Variants in ARHGEF16 observed in about 807,000 individuals in gnomAD.
ARHGEF16 encodes the protein Rho guanine nucleotide exchange factor 16, also known as Rho guanine exchange factor (GEF) 16.
ARHGEF16 carries 59 observed loss-of-function variants against 74.1 expected under a neutral mutation model. The observed-to-expected ratio is 0.80, with a 90% CI of 0.65 to 0.99. ARHGEF16 has a LOEUF of 0.99. Among genes scored for constraint, ARHGEF16 ranks in the 50% least tolerant of loss-of-function variants. The pLI, the probability that ARHGEF16 is intolerant of heterozygous loss-of-function variation, is 0.00. For synonymous variants in ARHGEF16, 415 were observed against 412.6 expected (o/e 1.01, Z -0.07); for missense variants, 948 against 986.6 (o/e 0.96, Z 0.52).
intron 2 of ARHGEF16, among the ~76,000 whole-genome samples, chr1:3,463,919 C>T (rs886711080): frequency 2.0e-5 from 3 of 152,244 alleles, no homozygotes; most frequent in African/African-American, 7.2e-5. Context: ...ACTCTGGTGT[C>T]CCCGCTCCCA....
At chr1:3,455,769 T>A (rs1305291623) in intron 1 of ARHGEF16, among the ~76,000 whole-genome samples, 1 of 152,134 alleles carries the variant, frequency 6.6e-6, no homozygotes, top group Non-Finnish European at 1.5e-5. Flanking sequence ...TTCCCAGGTG[T>A]GTGGGTTTCA....
chr1:3,476,255 G>T (rs1375261036), intron 10 of ARHGEF16, among the ~76,000 whole-genome samples, 193 bp downstream of exon 10: 1 of 152,236 alleles, frequency 6.6e-6, no homozygotes, highest in Admixed American at 6.5e-5. Context: ...ATCTGGGAGC[G>T]CCCCTTGTGG....
At chr1:3,471,871 G>A (rs767930748) in intron 6 of ARHGEF16, 114 of 1,027,258 alleles carry the variant, frequency 1.1e-4, no homozygotes, top group Non-Finnish European at 1.3e-4. Flanking sequence ...CGGCCTGGCC[G>A]GCCTGGGCAC....
Position 3,463,607 on chromosome 1 carries a change from C to T in ARHGEF16, c.523C>T (p.Pro175Ser). Residue 175 changes from proline to serine, a missense_variant, in exon 2 of 15, where the codon CCT becomes TCT. Physicochemically the swap from Pro to Ser is moderately conservative, Grantham distance 74. Transcript: ENST00000378378. The stretch of plus-strand genomic sequence containing the variant: ...CCAGGGAGATGCCATCCAGCTAAGC[C>T]CTAAGCTCCAGGCTCTGGCTGAGGA... Reference protein sequence around the residue: ...GGQGDAIQLSPKLQALAEEPS... With the variant: ...GGQGDAIQLSSKLQALAEEPS... 2.1e-6 allele frequency: 3 copies of T among 1,443,348 alleles called. No individual in the cohort carries two copies. Among genetic ancestry groups the T allele is most frequent in the Non-Finnish European group, 2.7e-6 (3 of 1,094,230 alleles). The allele number at this position is 1,443,348 out of a possible 1,614,324, so 89.4% of individuals were successfully genotyped here.
At position 3,476,020 on chromosome 1, in the gene ARHGEF16, G is replaced by A. The variant is rs143811823; in HGVS notation, c.1431G>A (p.Gln477=). The A allele has an allele frequency of 2.6e-6, 4 of 1,557,706 alleles. No individual in the cohort carries two copies. In the South Asian group the frequency reaches 4.7e-5, roughly 18 times the overall value. ...CCCACAGGATGGAGCGCATGGAGCA[G>A]ATGTACACGCTGCACACACAGCTGG... The part of the protein sequence containing the change: ...EGAHRMERME[Q]MYTLHTQLDF... The change falls in exon 10 of 15, where the codon CAG becomes CAA. Residue 477 remains glutamine (Q), a synonymous_variant. Transcript: ENST00000378378.
intron 1 of ARHGEF16, among the ~76,000 whole-genome samples, chr1:3,457,047 C>G (rs56365322): frequency 0.027 from 4,167 of 152,324 alleles, 72 homozygotes; most frequent in Middle Eastern, 0.048. Flanking sequence ...TCCTGACTAC[C>G]AGCAGTGTCC....
chr1:3,479,806 A>G lies in ARHGEF16; in HGVS notation c.1889-6A>G. On this transcript the variant is annotated splice_region_variant and splice_polypyrimidine_tract_variant and intron_variant, in intron 13 of 14. Coordinates refer to ENST00000378378, the MANE Select transcript of ARHGEF16 (RefSeq NM_014448.4). The stretch of plus-strand genomic sequence containing the variant: ...ACAGCCCTGTGATGGCCACTGCCCT[A>G]TGCAGACCTGCCCCAGGTGGAGATC... 3.7e-6 allele frequency: 6 copies of G among 1,611,842 alleles called. No homozygotes were observed. The highest frequency in any genetic ancestry group is 4.2e-6 in the Non-Finnish European group (5 of 1,179,818).
At chr1:3,469,344 G>T in intron 5 of ARHGEF16, 89 bp from the exon 6 acceptor site, 1 of 1,491,768 alleles carries the variant, frequency 6.7e-7, no homozygotes. Flanking sequence ...CCTGCCACCC[G>T]GGTCACGTCC....
At chr1:3,457,732 G>A (rs1031250402) in intron 1 of ARHGEF16, among the ~76,000 whole-genome samples, 4 of 152,172 alleles carry the variant, frequency 2.6e-5, no homozygotes, top group African/African-American at 9.7e-5. Context: ...TGCTTGGACC[G>A]GCCAGGCGGG....
At position 3,466,226 on chromosome 1, in the gene ARHGEF16, G is replaced by C. The variant is rs945467847; in HGVS notation, c.634+33G>C. On this transcript the variant is annotated intron_variant, in intron 3 of 14. Transcript: ENST00000378378. ...TGGCTTCGGGAGGCACCGCGGGCTG[G>C]GCTCCAGTTGAAACTGGTCTCACTG... 13 of 1,530,022 alleles carry C rather than the reference G, an allele frequency of 8.5e-6. No homozygotes were observed. The African/African-American group carries it at 1.7e-4, about 20-fold the overall frequency. 94.8% of individuals were successfully genotyped at this position (1,530,022 alleles called of 1,614,324 possible). A position where few individuals can be genotyped will look rare whatever the true frequency, so the allele number is the denominator to read the frequency against.
At position 3,469,547 on chromosome 1, in the gene ARHGEF16, C is replaced by G; in HGVS notation, c.976C>G (p.His326Asp). 1 of 1,613,110 alleles carries G rather than the reference C, an allele frequency of 6.2e-7. No homozygotes were observed. The highest frequency in any genetic ancestry group is 8.5e-7 in the Non-Finnish European group (1 of 1,179,994). The change falls in exon 6 of 15, where the codon CAC becomes GAC. Residue 326 changes from histidine (H) to aspartate (D), a missense_variant. By Grantham distance (81) the His-to-Asp change is moderately conservative (BLOSUM62 -1). Transcript: ENST00000378378. ...GGCGACCGTGACCCAGATGGAGCAC[C>G]ACCACCTCTTCTCCAACATCCTGGA... ...LRATVTQMEH[H>D]HLFSNILDVL...
chr1:3,478,500 C>T lies in ARHGEF16; in HGVS notation c.1702C>T (p.Pro568Ser). 6.2e-7 allele frequency: 1 copy of T among 1,612,686 alleles called. No individual in the cohort carries two copies. The highest frequency in any genetic ancestry group is 1.7e-5 in the Admixed American group (1 of 60,030). Residue 568 changes from proline (P) to serine (S), a missense_variant, in exon 12 of 15, where the codon CCT becomes TCT. Physicochemically the swap from Pro to Ser is moderately conservative, Grantham distance 74. Coordinates refer to ENST00000378378, the MANE Select transcript of ARHGEF16 (RefSeq NM_014448.4). ...GGAGAAGATAGAGCCGTCTGAGCTC[C>T]CTCTGCCCGGGGGCGGCAACCGTAG... ...QVEKIEPSEL[P>S]LPGGGNRSSS...
In ARHGEF16 at chr1:3,468,340, G is replaced by A. The variant is rs1169019001; in HGVS notation, c.805-540G>A. Reference sequence around the variant, plus strand: ...AGTCCTGCAGAGGGGACCCCTGGGCGGTGTGGCAGCCCTCCTGGTCCTGAC... The same window carrying A: ...AGTCCTGCAGAGGGGACCCCTGGGCAGTGTGGCAGCCCTCCTGGTCCTGAC... On this transcript the variant is annotated intron_variant, in intron 4 of 14. Coordinates refer to ENST00000378378, the MANE Select transcript of ARHGEF16 (RefSeq NM_014448.4). Among the ~76,000 whole-genome samples, 7 of 152,324 alleles carry A rather than the reference G, an allele frequency of 4.6e-5. No individual in the cohort carries two copies. In the South Asian group the frequency reaches 8.3e-4, roughly 18 times the overall value.
chr1:3,463,316 C>A lies in ARHGEF16; in HGVS notation c.232C>A (p.Pro78Thr). ...PWPIVLSTES[P>T]AALKLGTQQL... ...GCCCATCGTCCTGAGCACAGAGAGCCCGGCGGCCCTCAAGCTGGGCACCCA... is the reference window on the plus strand; with the variant it reads ...GCCCATCGTCCTGAGCACAGAGAGCACGGCGGCCCTCAAGCTGGGCACCCA... Residue 78 changes from proline (P) to threonine (T), a missense_variant, in exon 2 of 15, where the codon CCG (proline) becomes ACG (threonine). Physicochemically the swap from Pro to Thr is conservative, Grantham distance 38. Transcript: ENST00000378378. The A allele has an allele frequency of 1.3e-6, 2 of 1,550,212 alleles. No individual in the cohort carries two copies. The highest frequency in any genetic ancestry group is 1.7e-6 in the Non-Finnish European group (2 of 1,146,884).
rs1639459083 is a variant in ARHGEF16, at chr1:3,463,462, A to C, written c.378A>C (p.Pro126=). 6.5e-7 allele frequency: 1 copy of C among 1,535,470 alleles called. No individual in the cohort carries two copies. Among genetic ancestry groups the C allele is most frequent in the African/African-American group, 1.4e-5 (1 of 72,430 alleles). The part of the protein sequence containing the change: ...EAARRDPKLL[P]APSFSLDDMD... ...CCCGGCGGGACCCTAAGCTCCTCCCAGCCCCCAGCTTCTCCCTGGATGACA... is the reference window on the plus strand; with the variant it reads ...CCCGGCGGGACCCTAAGCTCCTCCCCGCCCCCAGCTTCTCCCTGGATGACA... Residue 126 remains proline (P), a synonymous_variant, in exon 2 of 15, where the codon CCA becomes CCC. Coordinates refer to ENST00000378378, the MANE Select transcript of ARHGEF16 (RefSeq NM_014448.4).
In ARHGEF16 at chr1:3,474,759, C is replaced by G; in HGVS notation, c.1357C>G (p.Arg453Gly). The stretch of plus-strand genomic sequence containing the variant: ...CTCCGAAAGGTACAAGGCTGCCAGC[C>G]GTGCACTGAAGGCCATCAGCAAGGT... ...GHSERYKAASRALKAISKLVR... is the reference protein window; with the variant it reads ...GHSERYKAASGALKAISKLVR... The change falls in exon 9 of 15, where the codon CGT becomes GGT. Residue 453 changes from arginine (R) to glycine (G), a missense_variant. Transcript: ENST00000378378. The G allele has an allele frequency of 6.2e-7, 1 of 1,612,908 alleles. No homozygotes were observed. The highest frequency in any genetic ancestry group is 8.5e-7 in the Non-Finnish European group (1 of 1,179,984).
intron 10 of ARHGEF16, among the ~76,000 whole-genome samples, chr1:3,477,488 A>G (rs1028249377): frequency 2.5e-4 from 37 of 149,378 alleles, no homozygotes; most frequent in African/African-American, 8.9e-4. Flanking sequence ...GCCCCTGCCA[A>G]CCCTCCCTCG....
intron 11 of ARHGEF16, 59 bp from the exon 12 acceptor site, chr1:3,478,365 C>T: frequency 1.3e-6 from 2 of 1,524,400 alleles, no homozygotes; most frequent in Middle Eastern, 3.5e-4. Flanking sequence ...GACGGGAGCC[C>T]AGCAGCACTG....
Position 3,478,437 on chromosome 1 carries a change from A to G in ARHGEF16, c.1639A>G (p.Met547Val), listed in dbSNP as rs746515500. The G allele has an allele frequency of 5.0e-6, 8 of 1,602,782 alleles. 1 individual carries two copies. The highest frequency in any genetic ancestry group is 3.3e-5 in the South Asian group (3 of 90,456). The change falls in exon 12 of 15, where the codon ATG (methionine) becomes GTG (valine). Residue 547 changes from methionine to valine, a missense_variant. Met to Val is a conservative substitution (Grantham distance 21, BLOSUM62 1). Transcript: ENST00000378378. ...GTGTCTCCACAGCGAGGAGAGCTACATGGTCCAGGACTACGCCCAGATGAA... is the reference window on the plus strand; with the variant it reads ...GTGTCTCCACAGCGAGGAGAGCTACGTGGTCCAGGACTACGCCCAGATGAA... ...VTKKKSEESY[M>V]VQDYAQMNHI...
Sources: gnomAD v4.1 joint callset for allele counts (sites outside exome capture counted in the v4.1 genomes callset) on GRCh38, gnomAD v4.1.1 for gene constraint, MANE v1.5 for transcripts, NCBI Gene and HGNC (gene_info 2026-07-23, HGNC 2026-07-21) for gene names.